Variants in SAMD12 observed in about 807,000 individuals in gnomAD.
The protein encoded by SAMD12 is sterile alpha motif domain containing 12.
A neutral mutation model predicts 15.0 loss-of-function variants in SAMD12; 9 were observed. The ratio of observed to expected loss-of-function variants is 0.60; its 90% CI spans 0.36 to 1.05. SAMD12 has a LOEUF of 1.05. Ranked by LOEUF, SAMD12 falls within the 50% of genes least tolerant of loss-of-function variation. The probability of loss-of-function intolerance (pLI) is 0.01; values close to 1 mark genes in which losing one functional copy is unlikely to be tolerated. For missense variants in SAMD12, 230 were observed against 234.2 expected, an observed-to-expected ratio of 0.98 and a Z score of 0.12; for synonymous variants, 86 against 90.1, an observed-to-expected ratio of 0.96 and a Z score of 0.25.
chr8:118,336,289 A>G (rs1292830053), intron 4 of SAMD12, among the ~76,000 whole-genome samples: 1 of 152,248 alleles, frequency 6.6e-6, no homozygotes, highest in Non-Finnish European at 1.5e-5. Flanking sequence ...GAAAGCTTAG[A>G]AACAAGCATA....
chr8:118,132,260 A>C, the SAMD12 span, among the ~76,000 whole-genome samples: 5 of 152,170 alleles, frequency 3.3e-5, no homozygotes, highest in Non-Finnish European at 7.4e-5. Flanking sequence ...CATTATGAAG[A>C]TATTTCTACA....
At chr8:118,151,611 A>G in the SAMD12 span, among the ~76,000 whole-genome samples, 1 of 151,992 alleles carries the variant, frequency 6.6e-6, no homozygotes, top group East Asian at 1.9e-4. Flanking sequence ...GGTGGATCAC[A>G]AGGTCAGGAG....
chr8:118,414,380 C>T (rs1008086333), intron 3 of SAMD12, among the ~76,000 whole-genome samples: 3 of 122,218 alleles, frequency 2.5e-5, no homozygotes, highest in East Asian at 2.3e-4. Context: ...CAATGTACCA[C>T]ATCTAATTTT....
At chr8:118,441,034 T>A (rs1314201095) in intron 2 of SAMD12, among the ~76,000 whole-genome samples, 1 of 152,148 alleles carries the variant, frequency 6.6e-6, no homozygotes, top group African/African-American at 2.4e-5. Context: ...CACTTCTCTA[T>A]CAAATCTTTC....
At chr8:118,166,988 C>T in the SAMD12 span, among the ~76,000 whole-genome samples, 2 of 152,064 alleles carry the variant, frequency 1.3e-5, no homozygotes, top group African/African-American at 4.8e-5. Flanking sequence ...CTCCATTGCA[C>T]AGCCAGACAC....
chr8:118,294,867 T>A (rs1814624306), intron 4 of SAMD12, among the ~76,000 whole-genome samples: 1 of 152,136 alleles, frequency 6.6e-6, no homozygotes, highest in Non-Finnish European at 1.5e-5. Flanking sequence ...TACAAGTGAT[T>A]AGGCTCATCT....
rs140996343 is a variant in SAMD12, at chr8:118,509,619, A to G, written c.193-69658T>C. On this transcript the variant is annotated intron_variant, in intron 2 of 3. Coordinates refer to ENST00000314727, the MANE Select transcript of SAMD12 (RefSeq NM_207506.3). ...ACTTCCCTAAAACTCAAAATGTAGC[A>G]TCACACACATAATACCCCTTGCTTC... Among the ~76,000 whole-genome samples, 947 of 152,330 alleles carry G rather than the reference A, an allele frequency of 6.2e-3. 8 individuals are homozygous for G. Among genetic ancestry groups the G allele is most frequent in the Middle Eastern group, 0.02 (6 of 294 alleles).
chr8:118,402,699 G>C (rs1563832534), intron 3 of SAMD12, among the ~76,000 whole-genome samples: 1 of 152,138 alleles, frequency 6.6e-6, no homozygotes, highest in Admixed American at 6.6e-5. Context: ...AGAAAGCAAG[G>C]GAGGAGATAT....
chr8:118,354,783 A>T (rs1350251222), intron 4 of SAMD12, among the ~76,000 whole-genome samples: 2 of 152,240 alleles, frequency 1.3e-5, no homozygotes, highest in Admixed American at 1.3e-4. Context: ...ATTAAATCAC[A>T]GATATCCTTG....
chr8:118,524,736 A>G (rs917659507), intron 2 of SAMD12, among the ~76,000 whole-genome samples: 1 of 152,082 alleles, frequency 6.6e-6, no homozygotes, highest in East Asian at 1.9e-4. Flanking sequence ...CGACCTTCCA[A>G]TTGCTCAGGC....
At chr8:118,571,005 G>A (rs965262892) in intron 2 of SAMD12, among the ~76,000 whole-genome samples, 13 of 152,284 alleles carry the variant, frequency 8.5e-5, no homozygotes, top group African/African-American at 2.6e-4. Context: ...TTCCAGCCAC[G>A]TGGAAGTGTA....
chr8:118,361,521 CTGAG>C (rs1818498249), intron 4 of SAMD12, among the ~76,000 whole-genome samples: 1 of 152,084 alleles, frequency 6.6e-6, no homozygotes, highest in Admixed American at 6.6e-5. Flanking sequence ...GAGGGAAAGA[CTGAG>C]TAGCACTTAA....
chr8:118,229,051 G>A (rs1476254796), intron 4 of SAMD12, among the ~76,000 whole-genome samples: 1 of 152,080 alleles, frequency 6.6e-6, no homozygotes, highest in Non-Finnish European at 1.5e-5. Flanking sequence ...ACCAAACATC[G>A]TATATTCTCA....
At chr8:118,171,360 AT>A in the SAMD12 span, among the ~76,000 whole-genome samples, 2 of 152,214 alleles carry the variant, frequency 1.3e-5, no homozygotes, top group East Asian at 3.8e-4. Context: ...AAATAAAAAC[AT>A]TTGCACACAT....
chr8:118,507,977 G>A (rs1463912873), intron 2 of SAMD12, among the ~76,000 whole-genome samples: 1 of 144,096 alleles, frequency 6.9e-6, no homozygotes, highest in African/African-American at 2.6e-5. Flanking sequence ...CAAACCCCTA[G>A]ATAGTATAAT....
chr8:118,517,715 G>A (rs1825281996), intron 2 of SAMD12, among the ~76,000 whole-genome samples: 1 of 152,204 alleles, frequency 6.6e-6, no homozygotes, highest in Non-Finnish European at 1.5e-5. Flanking sequence ...ATGACCTGGA[G>A]AGGTGGAGAT....
At chr8:118,544,246 A>G (rs7834992) in intron 2 of SAMD12, among the ~76,000 whole-genome samples, 117,584 of 152,196 alleles carry the variant, frequency 0.77, 46,168 homozygotes, top group African/African-American at 0.85. Context: ...TTTTGGAATA[A>G]TTTAAGTGCA....
intron 4 of SAMD12, among the ~76,000 whole-genome samples, chr8:118,356,184 G>T (rs1319193926): frequency 6.6e-6 from 1 of 152,168 alleles, no homozygotes; most frequent in African/African-American, 2.4e-5. Flanking sequence ...TTACTTAAAA[G>T]AAAACTTACT....
At chr8:118,253,299 C>G (rs545544499) in intron 4 of SAMD12, among the ~76,000 whole-genome samples, 89 of 152,048 alleles carry the variant, frequency 5.9e-4, no homozygotes, top group Non-Finnish European at 1.2e-3. Flanking sequence ...AGTCATGTTC[C>G]CAAGTTCTGA....
Sources: gnomAD v4.1 joint callset for allele counts (sites outside exome capture counted in the v4.1 genomes callset) on GRCh38, gnomAD v4.1.1 for gene constraint, MANE v1.5 for transcripts, NCBI Gene and HGNC (gene_info 2026-07-23, HGNC 2026-07-21) for gene names.